CDK5: variants seen among roughly 807,000 people sequenced by gnomAD.
The protein encoded by CDK5 is cyclin-dependent kinase 5.
CDK5 carries 18 observed loss-of-function variants against 44.6 expected under a neutral mutation model. The observed-to-expected ratio is 0.40, with a 90% CI of 0.28 to 0.60. The LOEUF (loss-of-function observed/expected upper bound fraction) is 0.60, where lower values mean the gene tolerates loss of function less well. CDK5 is among the 20% of genes least tolerant of loss of function. CDK5 has a pLI of 0.38. For synonymous variants in CDK5, 143 were observed against 152.8 expected (o/e 0.94, Z 0.47); for missense variants, 198 against 368.1 (o/e 0.54, Z 3.78).
rs1796927903 is a variant in CDK5, at chr7:151,057,689, G to A, written c.37+123C>T. 7 of 1,073,142 alleles carry A rather than the reference G, an allele frequency of 6.5e-6. No individual in the cohort carries two copies. Among genetic ancestry groups the A allele is most frequent in the Non-Finnish European group, 8.4e-6 (6 of 716,056 alleles). 66.5% of individuals were successfully genotyped at this position (1,073,142 alleles called of 1,614,324 possible). A position where few individuals can be genotyped will look rare whatever the true frequency, so the allele number is the denominator to read the frequency against. On this transcript the variant is annotated intron_variant, in intron 1 of 11. Coordinates refer to ENST00000485972, the MANE Select transcript of CDK5 (RefSeq NM_004935.4). The surrounding 1 kb of genome is among the most constrained non-coding windows in gnomAD (Gnocchi z 5.2). ...ACGGAGTGCTGAGCTAGGGGGCCAG[G>A]GCTGCAGCCGCTGCTGAGATCGGAG...
chr7:151,055,937 T>C, intron 5 of CDK5, 89 bp from the exon 6 acceptor site: 1 of 821,442 alleles, frequency 1.2e-6, no homozygotes, highest in Non-Finnish European at 2.1e-6. Context: ...ACCCTGTGCT[T>C]CGCTCCACCC....
At chr7:151,055,730 C>T in intron 6 of CDK5, 23 bp downstream of exon 6, 1 of 1,584,728 alleles carries the variant, frequency 6.3e-7, no homozygotes. Context: ...CTCTCCATTC[C>T]CCACCTTCTT....
In CDK5 at chr7:151,054,598, C is replaced by T. The variant is rs537002354; in HGVS notation, c.651-133G>A. On this transcript the variant is annotated intron_variant, in intron 9 of 11. Coordinates refer to ENST00000485972, the MANE Select transcript of CDK5 (RefSeq NM_004935.4). The surrounding 1 kb of genome is among the most constrained non-coding windows in gnomAD (Gnocchi z 5.7). Reference sequence around the variant, plus strand: ...CACTTCTCACCCTCCCTTTACCCTCCGGCTTGAGCTTGACAGAAGCAGCCC... The same window carrying T: ...CACTTCTCACCCTCCCTTTACCCTCTGGCTTGAGCTTGACAGAAGCAGCCC... 8.0e-5 allele frequency: 67 copies of T among 838,892 alleles called. No individual in the cohort carries two copies. Among genetic ancestry groups the T allele is most frequent in the Middle Eastern group, 3.1e-4 (1 of 3,220 alleles). 52.0% of individuals were successfully genotyped at this position (838,892 alleles called of 1,614,324 possible).
chr7:151,056,648 T>C lies in CDK5; in HGVS notation c.256-12A>G, dbSNP rs975504693. The C allele has an allele frequency of 2.5e-6, 4 of 1,612,284 alleles. No homozygotes were observed. Among genetic ancestry groups the C allele is most frequent in the Non-Finnish European group, 2.5e-6 (3 of 1,179,080 alleles). On this transcript the variant is annotated splice_polypyrimidine_tract_variant and intron_variant, in intron 4 of 11. Transcript: ENST00000485972. This position sits in a 1 kb window ranked among gnomAD's most constrained non-coding sequence, Gnocchi z 4.7. ...TACTTCTTCAGGTCCTGAAAAGGGATATGAGTGGGGGAATGGGACAGAGTT... is the reference window on the plus strand; with the variant it reads ...TACTTCTTCAGGTCCTGAAAAGGGACATGAGTGGGGGAATGGGACAGAGTT...
chr7:151,053,908 C>G lies in CDK5; in HGVS notation c.*101G>C, dbSNP rs1343111953. ...CACCCCACCCCGGCTGGGCCCAGCA[C>G]TGCTGGAGCACAGCGCACCAGGCAC... On this transcript the variant is annotated 3_prime_UTR_variant, in exon 12 of 12. Transcript: ENST00000485972. 1.9e-6 allele frequency: 2 copies of G among 1,037,954 alleles called. No individual in the cohort carries two copies. The highest frequency in any genetic ancestry group is 1.4e-6 in the Non-Finnish European group (1 of 708,472). The allele number at this position is 1,037,954 out of a possible 1,614,324, so 64.3% of individuals were successfully genotyped here.
chr7:151,057,483 G>T lies in CDK5; in HGVS notation c.38-323C>A. On this transcript the variant is annotated intron_variant, in intron 1 of 11. Coordinates refer to ENST00000485972, the MANE Select transcript of CDK5 (RefSeq NM_004935.4). This position sits in a 1 kb window ranked among gnomAD's most constrained non-coding sequence, Gnocchi z 5.2. ...GACTGAGGGGCTGCAGAAATATTGA[G>T]GTTGGAGGTCTGCAGCAAGAAACGA... 1 of 590,892 alleles carries T rather than the reference G, an allele frequency of 1.7e-6. No homozygotes were observed. Among genetic ancestry groups the T allele is most frequent in the South Asian group, 2.0e-5 (1 of 50,290 alleles). The allele number at this position is 590,892 out of a possible 1,614,324, so 36.6% of individuals were successfully genotyped here.
In CDK5 at chr7:151,056,835, G is replaced by A; in HGVS notation, c.195-39C>T. The stretch of plus-strand genomic sequence containing the variant: ...AGGGCTCAGCCAGGCAGGTCCGCCT[G>A]ACAGACGTCCAGTGTCAGCCCCCGC... On this transcript the variant is annotated intron_variant, in intron 3 of 11. Coordinates refer to ENST00000485972, the MANE Select transcript of CDK5 (RefSeq NM_004935.4). The surrounding 1 kb of genome is among the most constrained non-coding windows in gnomAD (Gnocchi z 4.7). 6.3e-7 allele frequency: 1 copy of A among 1,599,928 alleles called. No individual in the cohort carries two copies. The highest frequency in any genetic ancestry group is 8.5e-7 in the Non-Finnish European group (1 of 1,173,286).
rs1426993093 is a variant in CDK5 at position 151,054,098 on chromosome 7, G to A, written c.793-3C>T. The A allele has an allele frequency of 1.9e-6, 3 of 1,597,524 alleles. No homozygotes were observed. The highest frequency in any genetic ancestry group is 1.3e-5 in the African/African-American group (1 of 74,774). Reference sequence around the variant, plus strand: ...ACAGGGTTACACTTCAGAAGGTTCTGGAGATGGGGGAAAGGAGGTGGCAGG... The same window carrying A: ...ACAGGGTTACACTTCAGAAGGTTCTAGAGATGGGGGAAAGGAGGTGGCAGG... On this transcript the variant is annotated splice_polypyrimidine_tract_variant and splice_region_variant and intron_variant, in intron 11 of 11. Coordinates refer to ENST00000485972, the MANE Select transcript of CDK5 (RefSeq NM_004935.4). The surrounding 1 kb of genome is among the most constrained non-coding windows in gnomAD (Gnocchi z 5.7).
chr7:151,055,704 G>A (rs376208556), intron 6 of CDK5, 49 bp downstream of exon 6: 74 of 1,544,214 alleles, frequency 4.8e-5, no homozygotes, highest in East Asian at 1.4e-4. Context: ...TGTGCTCCCC[G>A]TGCCCTGGCC....
At position 151,056,154 on chromosome 7, in the gene CDK5, C is replaced by T. The variant is rs1031321162; in HGVS notation, c.313-306G>A. On this transcript the variant is annotated intron_variant, in intron 5 of 11. Transcript: ENST00000485972. This position sits in a 1 kb window ranked among gnomAD's most constrained non-coding sequence, Gnocchi z 4.7. Reference sequence around the variant, plus strand: ...CCCATGCTGATCTTCCCTTCCTGGCCGCATCTGAGTATGCACGCCGTGAAC... The same window carrying T: ...CCCATGCTGATCTTCCCTTCCTGGCTGCATCTGAGTATGCACGCCGTGAAC... The T allele has an allele frequency of 1.7e-5, 9 of 522,148 alleles. No homozygotes were observed. Among genetic ancestry groups the T allele is most frequent in the Admixed American group, 3.3e-5 (1 of 29,920 alleles). The allele number at this position is 522,148 out of a possible 1,614,324, so 32.3% of individuals were successfully genotyped here.
At position 151,055,601 on chromosome 7, in the gene CDK5, C is replaced by A. The variant is rs567702898; in HGVS notation, c.414G>T (p.Gly138=). 39 of 1,613,672 alleles carry A rather than the reference C, an allele frequency of 2.4e-5. 1 individual carries two copies. In the South Asian group the frequency reaches 3.8e-4, roughly 16 times the overall value. ...KPQNLLINRN[G]ELKLADFGLA... Reference sequence around the variant, plus strand: ...GGCCAAAATCAGCCAATTTCAGCTCCCCATTCTGAAGGGAATGGGAAGGGG... The same window carrying A: ...GGCCAAAATCAGCCAATTTCAGCTCACCATTCTGAAGGGAATGGGAAGGGG... The change falls in exon 7 of 12, where the codon GGG becomes GGT. Residue 138 remains glycine (G), a synonymous_variant. Coordinates refer to ENST00000485972, the MANE Select transcript of CDK5 (RefSeq NM_004935.4).
chr7:151,055,452 G>C (rs763613062), intron 7 of CDK5, 79 bp from the exon 8 acceptor site: 1 of 1,560,024 alleles, frequency 6.4e-7, no homozygotes, highest in East Asian at 2.2e-5. Context: ...TCAGAGAGGA[G>C]AGGAAAATAA....
In CDK5 at chr7:151,056,577, C is replaced by T. The variant is rs374501108; in HGVS notation, c.312+3G>A. ...AGGGGTCCCCCAACACCACTCTCCT[C>T]ACCTTTACAATCTCAGGATCGAGGT... On this transcript the variant is annotated splice_donor_region_variant and intron_variant, in intron 5 of 11. Coordinates refer to ENST00000485972, the MANE Select transcript of CDK5 (RefSeq NM_004935.4). This position sits in a 1 kb window ranked among gnomAD's most constrained non-coding sequence, Gnocchi z 4.7. The T allele has an allele frequency of 1.2e-4, 196 of 1,610,506 alleles. 2 individuals carry two copies. Among genetic ancestry groups the T allele is most frequent in the Admixed American group, 1.7e-4 (10 of 59,634 alleles).
chr7:151,056,193 T>C lies in CDK5; in HGVS notation c.313-345A>G, dbSNP rs1796890377. ...CACGCCGTGAACATCAACATAAATA[T>C]CGTGCTGTAGTATCATTCAGGACTG... On this transcript the variant is annotated intron_variant, in intron 5 of 11. Transcript: ENST00000485972. This position sits in a 1 kb window ranked among gnomAD's most constrained non-coding sequence, Gnocchi z 4.7. 2.0e-6 allele frequency: 1 copy of C among 506,418 alleles called. No homozygotes were observed. Among genetic ancestry groups the C allele is most frequent in the African/African-American group, 1.9e-5 (1 of 52,438 alleles). 31.4% of individuals were successfully genotyped at this position (506,418 alleles called of 1,614,324 possible). A position where few individuals can be genotyped will look rare whatever the true frequency, so the allele number is the denominator to read the frequency against.
At position 151,053,827 on chromosome 7, in the gene CDK5, G is replaced by A. The variant is rs1389500196; in HGVS notation, c.*182C>T. 5 of 606,958 alleles carry A rather than the reference G, an allele frequency of 8.2e-6. No individual in the cohort carries two copies. Among genetic ancestry groups the A allele is most frequent in the Non-Finnish European group, 1.5e-5 (5 of 343,642 alleles). 37.6% of individuals were successfully genotyped at this position (606,958 alleles called of 1,614,324 possible). ...ACATCAACCAGACTGTGGGAAAGGAGCCAATTTATGAAATTAAATAAAGTC... is the reference window on the plus strand; with the variant it reads ...ACATCAACCAGACTGTGGGAAAGGAACCAATTTATGAAATTAAATAAAGTC... On this transcript the variant is annotated 3_prime_UTR_variant, in exon 12 of 12. Coordinates refer to ENST00000485972, the MANE Select transcript of CDK5 (RefSeq NM_004935.4).
chr7:151,056,573 T>C lies in CDK5; in HGVS notation c.312+7A>G. On this transcript the variant is annotated splice_region_variant and intron_variant, in intron 5 of 11. Transcript: ENST00000485972. This position sits in a 1 kb window ranked among gnomAD's most constrained non-coding sequence, Gnocchi z 4.7. ...CCTGAGGGGTCCCCCAACACCACTC[T>C]CCTCACCTTTACAATCTCAGGATCG... 6.2e-7 allele frequency: 1 copy of C among 1,610,206 alleles called. No homozygotes were observed. Among genetic ancestry groups the C allele is most frequent in the Non-Finnish European group, 8.5e-7 (1 of 1,177,990 alleles).
At position 151,054,377 on chromosome 7, in the gene CDK5, A is replaced by ACCATGACC. The variant is rs1563326217; in HGVS notation, c.711+20_711+27dup. On this transcript the variant is annotated intron_variant, in intron 10 of 11. Transcript: ENST00000485972. This position sits in a 1 kb window ranked among gnomAD's most constrained non-coding sequence, Gnocchi z 5.7. ...AATGTGAAACGAGTGACCCTGATGA[A>ACCATGACC]CCATGACCCCCACATTCCCCATCAC... The ACCATGACC allele has an allele frequency of 6.2e-7, 1 of 1,612,944 alleles. No individual in the cohort carries two copies. The highest frequency in any genetic ancestry group is 8.5e-7 in the Non-Finnish European group (1 of 1,179,202).
Position 151,057,889 on chromosome 7 carries a change from G to C in CDK5, c.-41C>G. 1 of 1,583,244 alleles carries C rather than the reference G, an allele frequency of 6.3e-7. No individual in the cohort carries two copies. The highest frequency in any genetic ancestry group is 8.6e-7 in the Non-Finnish European group (1 of 1,164,784). ...GACCCCTGCGGGCCCTCGGTTTTAA[G>C]ACTCTGGCCCCGGCGTTGCAGAGGA... On this transcript the variant is annotated 5_prime_UTR_variant, in exon 1 of 12. Transcript: ENST00000485972. The surrounding 1 kb of genome is among the most constrained non-coding windows in gnomAD (Gnocchi z 5.2).
rs769267567 is a variant in CDK5, at chr7:151,055,411, G to C, written c.484-38C>G. The C allele has an allele frequency of 4.5e-6, 7 of 1,561,792 alleles. No individual in the cohort carries two copies. The South Asian group carries it at 5.6e-5, about 12-fold the overall frequency. On this transcript the variant is annotated intron_variant, in intron 7 of 11. Transcript: ENST00000485972. ...CCCCCCGAAAGGGACCTCCCACTTA[G>C]AGGACTGGGGAGGAGGTTTGAGGAG...
Sources: allele counts gnomAD v4.1 joint callset, GRCh38; gene constraint gnomAD v4.1.1; non-coding constraint Gnocchi (gnomAD v3.1); transcripts MANE v1.5; gene names NCBI Gene and HGNC (gene_info 2026-07-23, HGNC 2026-07-21).